The following PPFIBP2 variants were observed in gnomAD, a reference collection of about 807,000 sequenced individuals.
PPFIBP2 encodes the protein liprin-beta-2.
PPFIBP2 carries 118 observed loss-of-function variants against 118.3 expected under a neutral mutation model. The observed-to-expected ratio is 1.00, with a 90% CI of 0.86 to 1.16. PPFIBP2 has a LOEUF of 1.16. Among genes scored for constraint, PPFIBP2 ranks in the 50% most tolerant of loss-of-function variants. PPFIBP2 has a pLI of 0.00. For synonymous variants in PPFIBP2, 414 were observed against 397.4 expected (o/e 1.04, Z -0.50); for missense variants, 1,195 against 1,073.1 (o/e 1.11, Z -1.59).
At chr11:7,554,684 T>A (rs1407457671) in intron 2 of PPFIBP2, among the ~76,000 whole-genome samples, 1 of 152,034 alleles carries the variant, frequency 6.6e-6, no homozygotes, top group Non-Finnish European at 1.5e-5. Context: ...AGAGAGAAAT[T>A]GGTTCTTGTA....
At chr11:7,653,831 T>G, downstream of PPFIBP2, 16 of 1,176,110 alleles carry the variant, frequency 1.4e-5, no homozygotes, top group Non-Finnish European at 1.5e-5. Flanking sequence ...GTCCTACGGA[T>G]TGCAGAGCTG....
downstream of PPFIBP2, among the ~76,000 whole-genome samples, chr11:7,657,685 C>G (rs1265702371): frequency 1.3e-5 from 2 of 152,190 alleles, no homozygotes; most frequent in Admixed American, 6.5e-5. Flanking sequence ...CTAGGGAATG[C>G]ATTTTTCTCC....
At chr11:7,642,498 GTGAATCT>G in intron 17 of PPFIBP2, 72 bp downstream of exon 17, 2 of 1,490,458 alleles carry the variant, frequency 1.3e-6, no homozygotes, top group South Asian at 2.6e-5. Flanking sequence ...ACCTGCATGG[GTGAATCT>G]TTACTCCTGT....
At chr11:7,516,524 C>A (rs1040694402) in intron 1 of PPFIBP2, among the ~76,000 whole-genome samples, 1 of 152,020 alleles carries the variant, frequency 6.6e-6, no homozygotes, top group South Asian at 2.1e-4. Flanking sequence ...TTGGTTCGAA[C>A]CCCGAGAGCC....
intron 2 of PPFIBP2, among the ~76,000 whole-genome samples, chr11:7,559,189 G>A (rs1437742693): frequency 1.3e-5 from 2 of 152,210 alleles, no homozygotes; most frequent in African/African-American, 4.8e-5. Context: ...TTGACTGTAA[G>A]TTGAATTACC....
chr11:7,558,456 C>T (rs188966121), intron 2 of PPFIBP2, among the ~76,000 whole-genome samples: 4 of 152,238 alleles, frequency 2.6e-5, no homozygotes, highest in South Asian at 2.1e-4. Context: ...CTTTCGAAAG[C>T]GATCATTAAA....
chr11:7,516,568 C>G (rs1046432832), intron 1 of PPFIBP2, among the ~76,000 whole-genome samples: 3 of 152,038 alleles, frequency 2.0e-5, no homozygotes, highest in Non-Finnish European at 4.4e-5. Context: ...TGTGGGGCAA[C>G]GTGCTGTTTT....
rs35903584 is a variant in PPFIBP2, at chr11:7,595,891, C to CTTT, written c.373-1656_373-1654dup. Among the ~76,000 whole-genome samples, 23 of 143,612 alleles carry CTTT rather than the reference C, an allele frequency of 1.6e-4. No individual in the cohort carries two copies. In the South Asian group the frequency reaches 5.0e-3, roughly 31 times the overall value. 94.2% of individuals were successfully genotyped at this position (143,612 alleles called of 152,430 possible). ...ACTCCTTAGGAAAAGGATTTTTATCCTTTTTTTTTTTTTTTAACTTCTGTA... is the reference window on the plus strand; with the variant it reads ...ACTCCTTAGGAAAAGGATTTTTATCCTTTTTTTTTTTTTTTTTTAACTTCTGTA... On this transcript the variant is annotated intron_variant, in intron 4 of 23. Coordinates refer to ENST00000299492, the MANE Select transcript of PPFIBP2 (RefSeq NM_003621.5).
chr11:7,649,135 T>A lies in PPFIBP2; in HGVS notation c.1910-12T>A. The A allele has an allele frequency of 6.2e-7, 1 of 1,611,574 alleles. No homozygotes were observed. Among genetic ancestry groups the A allele is most frequent in the Non-Finnish European group, 8.5e-7 (1 of 1,178,486 alleles). On this transcript the variant is annotated splice_polypyrimidine_tract_variant and intron_variant, in intron 19 of 23. Transcript: ENST00000299492. ...ATGAATCCTGACACATCTGGGGTTT[T>A]TGTATTTGTAGGGTGGCTTGATGAT...
chr11:7,635,935 T>C (rs1367904095), intron 14 of PPFIBP2, among the ~76,000 whole-genome samples: 1 of 152,238 alleles, frequency 6.6e-6, no homozygotes, highest in African/African-American at 2.4e-5. Flanking sequence ...TCATCCTTTC[T>C]GTGCTGATAT....
intron 1 of PPFIBP2, among the ~76,000 whole-genome samples, chr11:7,542,335 G>A (rs577545741): frequency 1.4e-4 from 22 of 152,144 alleles, no homozygotes; most frequent in Non-Finnish European, 2.8e-4. Flanking sequence ...GACAGATGCC[G>A]CATTAATTTA....
At chr11:7,665,470 G>T in the PPFIBP2 span, 1 of 1,613,972 alleles carries the variant, frequency 6.2e-7, no homozygotes, top group Non-Finnish European at 8.5e-7. Context: ...ACACCAGGAT[G>T]AGCGTGGACT....
rs372706248 is a variant in PPFIBP2, at chr11:7,558,293, C to T, written c.65-7260C>T. Among the ~76,000 whole-genome samples the T allele has an allele frequency of 1.8e-4, 28 of 152,330 alleles. No individual in the cohort carries two copies. In the South Asian group the frequency reaches 4.1e-3, roughly 23 times the overall value. On this transcript the variant is annotated intron_variant, in intron 2 of 23. Transcript: ENST00000299492. Reference sequence around the variant, plus strand: ...GTACTGGCTCTTAGACTTTCTCCCACAGTGATACACATGGTTTCTGTTTAT... The same window carrying T: ...GTACTGGCTCTTAGACTTTCTCCCATAGTGATACACATGGTTTCTGTTTAT...
At chr11:7,663,588 C>T in the PPFIBP2 span, among the ~76,000 whole-genome samples, 46,084 of 152,124 alleles carry the variant, frequency 0.3, 8,443 homozygotes, top group Non-Finnish European at 0.41. Flanking sequence ...GTAGAAGTTA[C>T]TTCTGTCTTT....
intron 7 of PPFIBP2, among the ~76,000 whole-genome samples, chr11:7,625,385 G>C (rs1237396293): frequency 1.3e-5 from 2 of 152,044 alleles, no homozygotes; most frequent in Non-Finnish European, 2.9e-5. Context: ...AAATGTTACT[G>C]TATGAGTGAG....
chr11:7,626,292 T>C (rs1175536951), intron 8 of PPFIBP2, among the ~76,000 whole-genome samples: 1 of 152,262 alleles, frequency 6.6e-6, no homozygotes, highest in Non-Finnish European at 1.5e-5. Flanking sequence ...ATTTCATGGA[T>C]ACCTGCCTGA....
chr11:7,627,856 T>C (rs1850229767), intron 8 of PPFIBP2, among the ~76,000 whole-genome samples: 1 of 152,206 alleles, frequency 6.6e-6, no homozygotes, highest in Admixed American at 6.5e-5. Flanking sequence ...CACTCAACTG[T>C]AGATTTTTTT....
intron 7 of PPFIBP2, among the ~76,000 whole-genome samples, chr11:7,624,814 C>T (rs573215511): frequency 6.6e-6 from 1 of 152,198 alleles, no homozygotes; most frequent in South Asian, 2.1e-4. Context: ...ATTGCAGTCC[C>T]ATGAAGTAGG....
intron 3 of PPFIBP2, among the ~76,000 whole-genome samples, chr11:7,566,357 G>A (rs902408723): frequency 2.0e-5 from 3 of 152,178 alleles, no homozygotes; most frequent in East Asian, 3.9e-4. Flanking sequence ...ATATTCACAT[G>A]CAGCATTTTA....
Sources: allele counts gnomAD v4.1 joint callset (sites outside exome capture counted in the v4.1 genomes callset), GRCh38; gene constraint gnomAD v4.1.1; transcripts MANE v1.5; gene names NCBI Gene and HGNC (gene_info 2026-07-23, HGNC 2026-07-21).